Variants in CLTCL1 observed in about 807,000 individuals in gnomAD.
CLTCL1 encodes clathrin heavy chain like 1, also known as clathrin heavy chain 2.
Under a neutral mutation model 190.0 loss-of-function variants are expected in CLTCL1, and 159 were observed. The observed-to-expected ratio is 0.84, with a 90% CI of 0.74 to 0.95. The LOEUF (loss-of-function observed/expected upper bound fraction) is 0.95, where lower values mean the gene tolerates loss of function less well. CLTCL1 is among the 40% of genes least tolerant of loss of function. The pLI, the probability that CLTCL1 is intolerant of heterozygous loss-of-function variation, is 0.00. For missense variants in CLTCL1, 1,878 were observed against 2,033.4 expected (o/e 0.92, Z 1.47); for synonymous variants, 752 against 769.6 (o/e 0.98, Z 0.38).
At chr22:19,218,027 T>C (rs1389966758) in intron 18 of CLTCL1, among the ~76,000 whole-genome samples, 2 of 152,174 alleles carry the variant, frequency 1.3e-5, no homozygotes, top group Admixed American at 6.5e-5. Context: ...GAGGTTCCAC[T>C]CCAGACACTA....
At chr22:19,193,128 G>A (rs7291803) in intron 26 of CLTCL1, among the ~76,000 whole-genome samples, 10,721 of 97,422 alleles carry the variant, frequency 0.11, 474 homozygotes, top group East Asian at 0.27. Context: ...ACCATCCAAG[G>A]ACAAGCCCAT....
At chr22:19,231,329 T>A (rs2085913414) in intron 10 of CLTCL1, among the ~76,000 whole-genome samples, 1 of 152,192 alleles carries the variant, frequency 6.6e-6, no homozygotes, top group Non-Finnish European at 1.5e-5. Context: ...GCTCAAGCGA[T>A]CCTCCCATCT....
chr22:19,266,916 T>A (rs1356163641), intron 2 of CLTCL1, among the ~76,000 whole-genome samples: 2 of 151,962 alleles, frequency 1.3e-5, no homozygotes, highest in Non-Finnish European at 2.9e-5. Context: ...GGCTAAAAAC[T>A]CCCCCCTAAG....
intron 2 of CLTCL1, among the ~76,000 whole-genome samples, chr22:19,274,876 G>A (rs781931934): frequency 7.9e-5 from 12 of 151,824 alleles, no homozygotes; most frequent in Non-Finnish European, 1.5e-4. Flanking sequence ...ACAGGCATGC[G>A]CCACCACGCC....
At position 19,179,946 on chromosome 22, in the gene CLTCL1, C is replaced by T. The variant is rs1292180713; in HGVS notation, c.*44G>A. On this transcript the variant is annotated 3_prime_UTR_variant, in exon 33 of 33. Coordinates refer to ENST00000427926, the MANE Select transcript of CLTCL1 (RefSeq NM_007098.4). ...GAGGCATATCCATAGGGGAAGCTGG[C>T]AGGGGCTGGGCCCACGGCAGGGCCT... is the stretch of plus-strand genomic sequence containing the variant. 7.4e-5 allele frequency: 40 copies of T among 541,762 alleles called. No homozygotes were observed. Among genetic ancestry groups the T allele is most frequent in the Non-Finnish European group, 7.6e-5 (23 of 302,838 alleles). 33.6% of individuals were successfully genotyped at this position (541,762 alleles called of 1,614,324 possible). A position where few individuals can be genotyped will look rare whatever the true frequency, so the allele number is the denominator to read the frequency against.
At position 19,180,192 on chromosome 22, in the gene CLTCL1, CACTT is replaced by C. The variant is rs781918624; in HGVS notation, c.*20+3_*20+6del. 36 of 1,612,850 alleles carry C rather than the reference CACTT, an allele frequency of 2.2e-5. No individual in the cohort carries two copies. Among genetic ancestry groups the C allele is most frequent in the Middle Eastern group, 1.6e-4 (1 of 6,062 alleles). ...AGGATAAGCTAGTCTCCAAATGGGA[CACTT>C]ACTTAGTGCAATCAGCTGGGTCTCA... On this transcript the variant is annotated splice_donor_5th_base_variant and intron_variant, in intron 32 of 32. Coordinates refer to ENST00000427926, the MANE Select transcript of CLTCL1 (RefSeq NM_007098.4).
intron 19 of CLTCL1, among the ~76,000 whole-genome samples, chr22:19,211,340 G>C (rs1367885850): frequency 6.6e-6 from 1 of 152,174 alleles, no homozygotes; most frequent in Non-Finnish European, 1.5e-5. Flanking sequence ...CGAGGATCAG[G>C]AACAAGGCAG....
At chr22:19,273,682 CTA>C (rs1207434408) in intron 2 of CLTCL1, among the ~76,000 whole-genome samples, 5 of 152,300 alleles carry the variant, frequency 3.3e-5, no homozygotes, top group African/African-American at 1.2e-4. Flanking sequence ...TAATCTCACT[CTA>C]GTCTTCCCTC....
intron 1 of CLTCL1, among the ~76,000 whole-genome samples, chr22:19,290,947 C>G (rs927158897): frequency 5.3e-5 from 8 of 152,198 alleles, no homozygotes; most frequent in African/African-American, 1.9e-4. Flanking sequence ...GGGACCAGCA[C>G]CGCTCCCGGG....
chr22:19,237,808 A>C (rs1371389972), intron 5 of CLTCL1, among the ~76,000 whole-genome samples: 1 of 152,246 alleles, frequency 6.6e-6, no homozygotes, highest in Non-Finnish European at 1.5e-5. Flanking sequence ...CATCTGTATA[A>C]ATCTGCACAA....
At chr22:19,218,732 T>C (rs782437747) in intron 18 of CLTCL1, among the ~76,000 whole-genome samples, 1 of 152,170 alleles carries the variant, frequency 6.6e-6, no homozygotes, top group Non-Finnish European at 1.5e-5. Context: ...TATCTGCAAA[T>C]GTCTGTGAGG....
intron 3 of CLTCL1, among the ~76,000 whole-genome samples, chr22:19,248,570 C>A (rs2086492756): frequency 6.6e-6 from 1 of 152,190 alleles, no homozygotes; most frequent in Admixed American, 6.5e-5. Flanking sequence ...CTCCCAGACT[C>A]CACCTCCAGT....
chr22:19,188,126 C>T (rs1555929427), intron 27 of CLTCL1, 35 bp from the exon 28 acceptor site: 2 of 1,597,454 alleles, frequency 1.3e-6, no homozygotes, highest in African/African-American at 2.7e-5. Flanking sequence ...GGCACTTGGC[C>T]AAGCTTGTTA....
chr22:19,242,719 C>T, intron 4 of CLTCL1, 56 bp downstream of exon 4: 1 of 1,599,900 alleles, frequency 6.3e-7, no homozygotes, highest in Non-Finnish European at 8.6e-7. Flanking sequence ...CACGCACACC[C>T]CTAACACCAG....
At chr22:19,225,977 A>G (rs544412130) in intron 12 of CLTCL1, among the ~76,000 whole-genome samples, 118 of 152,354 alleles carry the variant, frequency 7.7e-4, no homozygotes, top group African/African-American at 2.7e-3. Flanking sequence ...TCCTGCTATT[A>G]GACTAAGTCA....
At position 19,275,671 on chromosome 22, in the gene CLTCL1, CAG is replaced by C. The variant is rs1569250755; in HGVS notation, c.200_201del (p.Ser67CysfsTer11). The part of the protein sequence containing the change: ...DPMAPIRRPI[S>X]AESAIMNPAS... Reference sequence around the variant, plus strand: ...GCTGGATTCATGATGGCACTCTCTGCAGAGATAGGCCGTCGGATCGGAGCCAT... The same window carrying C: ...GCTGGATTCATGATGGCACTCTCTGCAGATAGGCCGTCGGATCGGAGCCAT... On this transcript the variant is annotated frameshift_variant, in exon 2 of 33. Coordinates refer to ENST00000427926, the MANE Select transcript of CLTCL1 (RefSeq NM_007098.4). LOFTEE classifies it high-confidence loss of function. The C allele has an allele frequency of 1.9e-6, 3 of 1,606,782 alleles. No individual in the cohort carries two copies. Among genetic ancestry groups the C allele is most frequent in the Admixed American group, 3.4e-5 (2 of 58,852 alleles).
chr22:19,197,824 G>A (rs1359324152), intron 24 of CLTCL1, among the ~76,000 whole-genome samples: 8 of 152,142 alleles, frequency 5.3e-5, no homozygotes, highest in African/African-American at 1.9e-4. Flanking sequence ...TGTACTGGCT[G>A]CTCCTGCTCC....
rs1555935833 is a variant in CLTCL1, at chr22:19,196,518, G to T, written c.4012C>A (p.Leu1338Ile). Reference protein sequence around the residue: ...KPQKMLEHLELFWSRVNIPKV... With the variant: ...KPQKMLEHLEIFWSRVNIPKV... ...GGGATGTTGACACGGGACCAGAAAA[G>T]CTCCAGATGCTCCAGCATCTTCTGT... Residue 1338 changes from leucine to isoleucine, a missense_variant, in exon 25 of 33, where the codon CTT (leucine) becomes ATT (isoleucine). Physicochemically the swap from Leu to Ile is conservative, Grantham distance 5 (BLOSUM62 2). Coordinates refer to ENST00000427926, the MANE Select transcript of CLTCL1 (RefSeq NM_007098.4). The T allele has an allele frequency of 1.5e-5, 24 of 1,614,050 alleles. No homozygotes were observed. The highest frequency in any genetic ancestry group is 2.0e-5 in the Non-Finnish European group (24 of 1,179,898).
chr22:19,226,489 C>T, intron 11 of CLTCL1, 106 bp from the exon 12 acceptor site: 2 of 1,255,002 alleles, frequency 1.6e-6, no homozygotes, highest in Non-Finnish European at 2.3e-6. Flanking sequence ...GCAACCAGAA[C>T]TCACAGGCCC....
Sources: allele counts gnomAD v4.1 joint callset (sites outside exome capture counted in the v4.1 genomes callset), GRCh38; gene constraint gnomAD v4.1.1; transcripts MANE v1.5; gene names NCBI Gene and HGNC (gene_info 2026-07-23, HGNC 2026-07-21).